The following SEL1L2 variants were observed in gnomAD, a reference collection of about 807,000 sequenced individuals.
SEL1L2 encodes the protein protein sel-1 homolog 2.
SEL1L2 carries 89 observed loss-of-function variants against 98.8 expected under a neutral mutation model. The observed-to-expected ratio is 0.90, with a 90% CI of 0.76 to 1.07. The LOEUF (loss-of-function observed/expected upper bound fraction) is 1.07. Among genes scored for constraint, SEL1L2 ranks in the 50% least tolerant of loss-of-function variants. The probability of loss-of-function intolerance (pLI) is 0.00; values close to 1 mark genes in which losing one functional copy is unlikely to be tolerated. For missense variants in SEL1L2, 788 were observed against 812.0 expected (o/e 0.97, Z 0.36); for synonymous variants, 262 against 278.5 (o/e 0.94, Z 0.59).
intron 3 of SEL1L2, among the ~76,000 whole-genome samples, 168 bp from the exon 4 acceptor site, chr20:13,919,291 C>T (rs923657628): frequency 2.6e-5 from 4 of 152,160 alleles, no homozygotes; most frequent in Admixed American, 6.5e-5. Flanking sequence ...TGAGGAGCGT[C>T]GGTAGGTCAG....
chr20:13,975,616 G>C (rs1231172961), intron 1 of SEL1L2, among the ~76,000 whole-genome samples: 1 of 152,174 alleles, frequency 6.6e-6, no homozygotes, highest in African/African-American at 2.4e-5. Context: ...ACAAAGTATA[G>C]CATTACATGT....
At chr20:13,991,749 T>C (rs1199401997), upstream of SEL1L2, among the ~76,000 whole-genome samples, 1 of 152,154 alleles carries the variant, frequency 6.6e-6, no homozygotes, top group East Asian at 1.9e-4. Flanking sequence ...TCCCAGCACT[T>C]TGGGAGCCTA....
At chr20:13,885,940 G>C (rs2046929677) in intron 9 of SEL1L2, among the ~76,000 whole-genome samples, 1 of 152,100 alleles carries the variant, frequency 6.6e-6, no homozygotes, top group Admixed American at 6.5e-5. Flanking sequence ...GGGAGGCTGA[G>C]GCAGGAGAAT....
Position 13,849,518 on chromosome 20 carries a change from C to T in SEL1L2, c.2034G>A (p.Gly678=). 1.9e-6 allele frequency: 3 copies of T among 1,614,036 alleles called. No homozygotes were observed. The highest frequency in any genetic ancestry group is 2.5e-6 in the Non-Finnish European group (3 of 1,179,932). Residue 678 remains glycine (G), a synonymous_variant, in exon 20 of 20, where the codon GGG becomes GGA. Transcript: ENST00000284951. ...DLFVIGLIVP[G]LILLLRNHHG is the part of the protein sequence containing the mutation. ...GGTGATTTCTAAGCAACAAAATCAG[C>T]CCAGGAACAATGAGGCCAATCACAA...
chr20:13,924,055 G>A (rs894165575), intron 3 of SEL1L2, among the ~76,000 whole-genome samples: 1 of 152,102 alleles, frequency 6.6e-6, no homozygotes, highest in Non-Finnish European at 1.5e-5. Context: ...ACATTATGTG[G>A]TGATTCTCCT....
chr20:13,960,337 A>T (rs2050723455), intron 1 of SEL1L2, among the ~76,000 whole-genome samples: 1 of 152,234 alleles, frequency 6.6e-6, no homozygotes, highest in Non-Finnish European at 1.5e-5. Flanking sequence ...AAAGAGTAAC[A>T]TGAAAATTAC....
At chr20:13,945,675 A>G (rs571312338) in intron 2 of SEL1L2, among the ~76,000 whole-genome samples, 1 of 152,224 alleles carries the variant, frequency 6.6e-6, no homozygotes, top group African/African-American at 2.4e-5. Context: ...TCTGATAAAT[A>G]CTGATGGAAA....
At chr20:13,854,888 C>T (rs1455893625) in intron 18 of SEL1L2, among the ~76,000 whole-genome samples, 4 of 151,852 alleles carry the variant, frequency 2.6e-5, no homozygotes, top group Admixed American at 2.6e-4. Context: ...CCCATCTCTA[C>T]TAAAATACTA....
At chr20:13,858,685 C>T (rs1015727000) in intron 18 of SEL1L2, among the ~76,000 whole-genome samples, 1 of 152,208 alleles carries the variant, frequency 6.6e-6, no homozygotes, top group Non-Finnish European at 1.5e-5. Context: ...CTCAATACCA[C>T]CTTGCAGTGC....
At chr20:13,886,237 C>T (rs2046948185) in intron 9 of SEL1L2, 51 bp downstream of exon 9, 1 of 1,369,580 alleles carries the variant, frequency 7.3e-7, no homozygotes, top group South Asian at 1.3e-5. Flanking sequence ...AAGAATTAAG[C>T]CCCTTGTAAT....
chr20:13,972,783 A>C (rs2051343799), intron 1 of SEL1L2, among the ~76,000 whole-genome samples: 1 of 152,182 alleles, frequency 6.6e-6, no homozygotes, highest in South Asian at 2.1e-4. Flanking sequence ...TTTTGTTTGT[A>C]AATAACATGT....
At chr20:13,894,169 A>G (rs2047326063) in intron 5 of SEL1L2, among the ~76,000 whole-genome samples, 1 of 152,228 alleles carries the variant, frequency 6.6e-6, no homozygotes. Context: ...AGTTAGCAGA[A>G]GAAAGGAAGT....
At position 13,849,491 on chromosome 20, in the gene SEL1L2, A is replaced by C. The variant is rs2073290; in HGVS notation, c.2061T>G (p.His687Gln). 387,929 of 1,613,302 alleles carry C rather than the reference A, an allele frequency of 0.24. 50,048 individuals are homozygous for C. The highest frequency in any genetic ancestry group is 0.26 in the Non-Finnish European group (307,288 of 1,179,408). Residue 687 changes from histidine (H) to glutamine (Q), a missense_variant, in exon 20 of 20, where the codon CAT becomes CAG. His to Gln is a conservative substitution (Grantham distance 24, BLOSUM62 0). Coordinates refer to ENST00000284951, the MANE Select transcript of SEL1L2 (RefSeq NM_025229.2). Reference sequence around the variant, plus strand: ...TTTTCCTGTGATCCGCATCCTACCCATGGTGATTTCTAAGCAACAAAATCA... The same window carrying C: ...TTTTCCTGTGATCCGCATCCTACCCCTGGTGATTTCTAAGCAACAAAATCA... ...PGLILLLRNH[H>Q]G
At chr20:13,859,566 C>A in intron 17 of SEL1L2, 132 bp from the exon 18 acceptor site, 3 of 714,720 alleles carry the variant, frequency 4.2e-6, no homozygotes, top group South Asian at 2.1e-5. Context: ...TAAAAAGGAA[C>A]CAAAAACACT....
At chr20:13,987,433 C>T (rs1164271947) in intron 1 of SEL1L2, among the ~76,000 whole-genome samples, 2 of 151,482 alleles carry the variant, frequency 1.3e-5, no homozygotes, top group Non-Finnish European at 2.9e-5. Context: ...GTAACCTCTG[C>T]CTCCGGGGTT....
intron 3 of SEL1L2, among the ~76,000 whole-genome samples, chr20:13,919,400 G>A (rs1568969262): frequency 2.0e-5 from 3 of 152,192 alleles, no homozygotes; most frequent in Admixed American, 1.3e-4. Context: ...GAGAAGGGAT[G>A]CTTTTGGTCT....
chr20:13,869,726 T>C, intron 13 of SEL1L2, 136 bp from the exon 14 acceptor site: 1 of 597,892 alleles, frequency 1.7e-6, no homozygotes, highest in Non-Finnish European at 3.0e-6. Context: ...AGAAACATTA[T>C]ATATTTTATT....
intron 12 of SEL1L2, 36 bp downstream of exon 12, chr20:13,876,002 T>C: frequency 6.7e-7 from 1 of 1,492,034 alleles, no homozygotes; most frequent in Non-Finnish European, 9.4e-7. Context: ...AAGCAATTTG[T>C]GTGTATGTGT....
rs1208628390 is a variant in SEL1L2 at position 13,909,105 on chromosome 20, C to T, written c.549+4677G>A. Among the ~76,000 whole-genome samples the T allele has an allele frequency of 6.6e-5, 10 of 152,168 alleles. No individual in the cohort carries two copies. In the East Asian group the frequency reaches 9.6e-4, roughly 15 times the overall value. On this transcript the variant is annotated intron_variant, in intron 5 of 19. Coordinates refer to ENST00000284951, the MANE Select transcript of SEL1L2 (RefSeq NM_025229.2). ...TCTTCATTCTCTCTTCTCTCAGTCT[C>T]GCTCTCTCTCTCTCATTTTCTCTCT...
Sources: allele counts gnomAD v4.1 joint callset (sites outside exome capture counted in the v4.1 genomes callset), GRCh38; gene constraint gnomAD v4.1.1; transcripts MANE v1.5; gene names NCBI Gene and HGNC (gene_info 2026-07-23, HGNC 2026-07-21).